Variants in RYR2 observed in about 807,000 individuals in gnomAD.
The protein encoded by RYR2 is ryanodine receptor 2, also known as cardiac muscle ryanodine receptor-calcium release channel.
Under a neutral mutation model 601.1 loss-of-function variants are expected in RYR2, and 227 were observed. That is an observed-to-expected ratio of 0.38 (90% CI 0.34 to 0.42). The LOEUF is 0.42. Ranked by LOEUF, RYR2 falls within the 10% of genes least tolerant of loss-of-function variation. The pLI, the probability that RYR2 is intolerant of heterozygous loss-of-function variation, is 1.00. For synonymous variants in RYR2, 2,223 were observed against 2,175.1 expected (o/e 1.02, Z -0.61); for missense variants, 4,646 against 6,156.5 (o/e 0.75, Z 8.21).
chr1:237,417,150 A>G, intron 11 of RYR2, 27 bp downstream of exon 11: 1 of 1,558,990 alleles, frequency 6.4e-7, no homozygotes, highest in Non-Finnish European at 8.8e-7. Flanking sequence ...AACACAGCCT[A>G]ATGCACCAAG....
At chr1:237,274,220 T>C (rs1344029157) in intron 2 of RYR2, among the ~76,000 whole-genome samples, 1 of 151,132 alleles carries the variant, frequency 6.6e-6, no homozygotes, top group Non-Finnish European at 1.5e-5. Context: ...TGTATATGTG[T>C]ATATATGTAT....
chr1:237,716,283 T>C (rs981851035), intron 71 of RYR2, among the ~76,000 whole-genome samples: 1 of 152,114 alleles, frequency 6.6e-6, no homozygotes, highest in Non-Finnish European at 1.5e-5. Context: ...TATATTAAAT[T>C]CTATTATGTT....
intron 58 of RYR2, among the ~76,000 whole-genome samples, chr1:237,672,959 A>G (rs1485427511): frequency 1.3e-5 from 2 of 152,160 alleles, no homozygotes; most frequent in Non-Finnish European, 2.9e-5. Context: ...ATGTCTGTAG[A>G]TGGCGCTTTC....
At chr1:237,367,463 C>T (rs939845048) in intron 5 of RYR2, among the ~76,000 whole-genome samples, 8 of 152,042 alleles carry the variant, frequency 5.3e-5, no homozygotes, top group Admixed American at 2.0e-4. Context: ...TAGAATAGTT[C>T]TGAGTTTTTT....
At chr1:237,759,432 A>C (rs191217827) in intron 82 of RYR2, among the ~76,000 whole-genome samples, 1 of 152,280 alleles carries the variant, frequency 6.6e-6, no homozygotes, top group African/African-American at 2.4e-5. Context: ...ACCTGTGAAT[A>C]ACATCTATAG....
intron 90 of RYR2, 160 bp downstream of exon 90, chr1:237,785,132 T>A: frequency 1.5e-6 from 1 of 650,586 alleles, no homozygotes. Flanking sequence ...TTAGTGTTTT[T>A]AAGAGTCCTT....
intron 58 of RYR2, among the ~76,000 whole-genome samples, chr1:237,668,886 T>C (rs1436082660): frequency 6.6e-6 from 1 of 152,144 alleles, no homozygotes; most frequent in Non-Finnish European, 1.5e-5. Context: ...TTTTATTTTT[T>C]TTATTTTTTA....
intron 16 of RYR2, among the ~76,000 whole-genome samples, chr1:237,466,517 G>A (rs1660101992): frequency 6.6e-6 from 1 of 151,950 alleles, no homozygotes; most frequent in African/African-American, 2.4e-5. Context: ...TTTGATTAAA[G>A]TAGTAGTTGG....
At chr1:237,727,353 T>G (rs1224102403) in intron 76 of RYR2, among the ~76,000 whole-genome samples, 154 bp downstream of exon 76, 1 of 152,218 alleles carries the variant, frequency 6.6e-6, no homozygotes. Context: ...CTAATTTTGT[T>G]GGATATTTTC....
intron 39 of RYR2, among the ~76,000 whole-genome samples, chr1:237,625,036 G>GTA (rs1679495884): frequency 1.3e-5 from 2 of 150,250 alleles, no homozygotes; most frequent in African/African-American, 5.0e-5. Context: ...GTGTATGTAT[G>GTA]TGTGTGTATA....
At position 237,571,829 on chromosome 1, in the gene RYR2, A is replaced by T. The variant is rs554582335; in HGVS notation, c.3598+2510A>T. ...TTTAATTTTTACTTTTTGGAGATAC[A>T]TGGTAAGTCTAATATGTATGAGGTA... On this transcript the variant is annotated intron_variant, in intron 29 of 104. Coordinates refer to ENST00000366574, the MANE Select transcript of RYR2 (RefSeq NM_001035.3). Among the ~76,000 whole-genome samples, 18 of 152,286 alleles carry T rather than the reference A, an allele frequency of 1.2e-4. No homozygotes were observed. In the East Asian group the frequency reaches 3.5e-3, roughly 29 times the overall value.
intron 2 of RYR2, among the ~76,000 whole-genome samples, chr1:237,298,750 A>G (rs1468452134): frequency 6.6e-6 from 1 of 152,310 alleles, no homozygotes; most frequent in South Asian, 2.1e-4. Context: ...CTATAATCCC[A>G]GCACTTTGGG....
chr1:237,417,845 GA>G (rs1307763583), intron 11 of RYR2, among the ~76,000 whole-genome samples: 7 of 151,618 alleles, frequency 4.6e-5, no homozygotes, highest in African/African-American at 1.7e-4. Flanking sequence ...AAAATAATTC[GA>G]AGCTTTAGTC....
At chr1:237,062,985 G>C (rs1480937085) in intron 1 of RYR2, among the ~76,000 whole-genome samples, 1 of 151,940 alleles carries the variant, frequency 6.6e-6, no homozygotes, top group Non-Finnish European at 1.5e-5. Context: ...TAGTGCAATG[G>C]ACTGTTTGTG....
At chr1:237,533,956 C>CTGA in intron 25 of RYR2, among the ~76,000 whole-genome samples, 1 of 152,068 alleles carries the variant, frequency 6.6e-6, no homozygotes, top group Middle Eastern at 3.4e-3. Context: ...AAATAAAAAT[C>CTGA]TGATGACAGA....
intron 1 of RYR2, among the ~76,000 whole-genome samples, chr1:237,255,875 G>T (rs965121197): frequency 1.6e-4 from 24 of 151,624 alleles, no homozygotes; most frequent in African/African-American, 4.6e-4. Context: ...GTGTGTGTGA[G>T]TTTAGCTTTT....
At chr1:237,566,442 T>G in intron 27 of RYR2, 125 bp from the exon 28 acceptor site, 1 of 959,208 alleles carries the variant, frequency 1.0e-6, no homozygotes, top group Non-Finnish European at 1.5e-6. Flanking sequence ...GGTATCATTA[T>G]CATCATCGCT....
intron 16 of RYR2, among the ~76,000 whole-genome samples, chr1:237,458,674 G>A (rs953832838): frequency 4.0e-5 from 6 of 151,712 alleles, no homozygotes; most frequent in South Asian, 2.1e-4. Context: ...TATTCATTAC[G>A]TGACTAAGTT....
intron 86 of RYR2, among the ~76,000 whole-genome samples, chr1:237,773,005 A>G (rs1273534123): frequency 1.3e-5 from 2 of 152,156 alleles, no homozygotes; most frequent in Non-Finnish European, 2.9e-5. Context: ...TTTGTTTACA[A>G]TTGTTAGTAT....
Sources: allele counts gnomAD v4.1 joint callset (sites outside exome capture counted in the v4.1 genomes callset), GRCh38; gene constraint gnomAD v4.1.1; transcripts MANE v1.5; gene names NCBI Gene and HGNC (gene_info 2026-07-23, HGNC 2026-07-21).